Variants in CACNA2D3 observed in about 807,000 individuals in gnomAD.
CACNA2D3 encodes the protein voltage-dependent calcium channel subunit alpha-2/delta-3.
Under a neutral mutation model 160.6 loss-of-function variants are expected in CACNA2D3, and 60 were observed. The ratio of observed to expected loss-of-function variants is 0.37; its 90% CI spans 0.30 to 0.46. The LOEUF (loss-of-function observed/expected upper bound fraction) is 0.46. Ranked by LOEUF, CACNA2D3 falls within the 20% of genes least tolerant of loss-of-function variation. CACNA2D3 has a pLI of 1.00. For synonymous variants in CACNA2D3, 558 were observed against 492.9 expected, an observed-to-expected ratio of 1.13 and a Z score of -1.75; for missense variants, 1,205 against 1,365.0, an observed-to-expected ratio of 0.88 and a Z score of 1.85.
intron 4 of CACNA2D3, among the ~76,000 whole-genome samples, chr3:54,433,149 G>A (rs1258190276): frequency 6.6e-6 from 1 of 152,134 alleles, no homozygotes; most frequent in Non-Finnish European, 1.5e-5. Flanking sequence ...GGTTGGAAGA[G>A]GGAGGAGTGC....
At chr3:54,789,798 G>T (rs1702712274) in intron 13 of CACNA2D3, 1 of 503,354 alleles carries the variant, frequency 2.0e-6, no homozygotes, top group Non-Finnish European at 4.0e-6. Context: ...ACTGAGGCCA[G>T]TTTGGCTCAC....
intron 4 of CACNA2D3, among the ~76,000 whole-genome samples, chr3:54,391,646 G>T (rs551302470): frequency 6.6e-6 from 1 of 152,150 alleles, no homozygotes; most frequent in East Asian, 1.9e-4. Context: ...CAGTAGCTGG[G>T]ATTACAGGTG....
intron 3 of CACNA2D3, among the ~76,000 whole-genome samples, chr3:54,385,235 T>G (rs1380747287): frequency 6.6e-6 from 1 of 152,166 alleles, no homozygotes. Context: ...GATGGGCATT[T>G]CTACAATTTC....
chr3:54,391,521 T>G (rs1699281680), intron 4 of CACNA2D3, among the ~76,000 whole-genome samples: 1 of 151,668 alleles, frequency 6.6e-6, no homozygotes, highest in Admixed American at 6.6e-5. Context: ...TCTTTCTTTT[T>G]TTTTTTTGAG....
At chr3:54,546,864 T>C (rs2106675982) in intron 5 of CACNA2D3, among the ~76,000 whole-genome samples, 1 of 152,350 alleles carries the variant, frequency 6.6e-6, no homozygotes, top group East Asian at 1.9e-4. Context: ...TCCCATTTCT[T>C]CTCAAAAGTG....
intron 10 of CACNA2D3, chr3:54,638,749 GAA>G (rs1699436288): frequency 6.6e-6 from 1 of 151,952 alleles, no homozygotes; most frequent in African/African-American, 2.4e-5. Flanking sequence ...TTTACGCCAA[GAA>G]TTATTTAGAT....
chr3:54,401,264 C>G (rs569769532), intron 4 of CACNA2D3, among the ~76,000 whole-genome samples: 4 of 151,996 alleles, frequency 2.6e-5, no homozygotes, highest in East Asian at 3.9e-4. Flanking sequence ...ATCAAGTGAA[C>G]AAAGATTCAT....
intron 2 of CACNA2D3, among the ~76,000 whole-genome samples, chr3:54,207,272 G>T (rs561428531): frequency 6.6e-6 from 1 of 150,604 alleles, no homozygotes; most frequent in Admixed American, 6.7e-5. Flanking sequence ...GCTGGGAGAC[G>T]TGTGCTAGGG....
intron 10 of CACNA2D3, among the ~76,000 whole-genome samples, chr3:54,635,280 G>T (rs1699346357): frequency 6.6e-6 from 1 of 151,978 alleles, no homozygotes; most frequent in South Asian, 2.1e-4. Context: ...CATCTGATTA[G>T]AGAGTGCCTA....
intron 2 of CACNA2D3, among the ~76,000 whole-genome samples, chr3:54,215,595 G>A (rs1701446162): frequency 6.6e-6 from 1 of 151,740 alleles, no homozygotes; most frequent in African/African-American, 2.4e-5. Flanking sequence ...CCCAGGAAAT[G>A]TTCTCTTTTC....
chr3:54,923,243 C>T (rs1204191649), intron 27 of CACNA2D3, among the ~76,000 whole-genome samples: 4 of 152,292 alleles, frequency 2.6e-5, no homozygotes, highest in African/African-American at 9.6e-5. Context: ...ATCTGACCCC[C>T]AAGTACTGGT....
chr3:54,970,685 G>C lies in CACNA2D3; in HGVS notation c.2556+841G>C, dbSNP rs538896013. Among the ~76,000 whole-genome samples the C allele has an allele frequency of 6.3e-5, 9 of 142,244 alleles. No homozygotes were observed. In the South Asian group the frequency reaches 2.1e-3, roughly 34 times the overall value. 93.3% of individuals were successfully genotyped at this position (142,244 alleles called of 152,430 possible). A position where few individuals can be genotyped will look rare whatever the true frequency, so the allele number is the denominator to read the frequency against. ...GGAGGGATTTTAATCCTACACATGC[G>C]CAATGGAAGAAGAAACTATGCCACT... On this transcript the variant is annotated intron_variant, in intron 29 of 37. Coordinates refer to ENST00000474759, the MANE Select transcript of CACNA2D3 (RefSeq NM_018398.3).
intron 11 of CACNA2D3, among the ~76,000 whole-genome samples, chr3:54,739,244 A>G (rs1265002128): frequency 6.6e-6 from 1 of 151,854 alleles, no homozygotes; most frequent in Non-Finnish European, 1.5e-5. Context: ...ACATGGCAAA[A>G]CCCCATCTCT....
chr3:54,954,112 A>G (rs1274451827), intron 27 of CACNA2D3, among the ~76,000 whole-genome samples: 1 of 152,170 alleles, frequency 6.6e-6, no homozygotes, highest in African/African-American at 2.4e-5. Context: ...ACCTGAGGCC[A>G]AAGAGAGAGG....
intron 13 of CACNA2D3, among the ~76,000 whole-genome samples, chr3:54,811,804 G>T (rs1018353813): frequency 6.6e-6 from 1 of 152,100 alleles, no homozygotes; most frequent in South Asian, 2.1e-4. Context: ...CCCGGCCTCT[G>T]TCAGTTCTTA....
chr3:54,832,325 G>C (rs1423418452), intron 14 of CACNA2D3, among the ~76,000 whole-genome samples: 1 of 152,170 alleles, frequency 6.6e-6, no homozygotes, highest in Non-Finnish European at 1.5e-5. Context: ...CACAGCCTGG[G>C]TTGGCTGTCC....
At chr3:54,340,257 A>G (rs1575404340) in intron 3 of CACNA2D3, among the ~76,000 whole-genome samples, 1 of 152,200 alleles carries the variant, frequency 6.6e-6, no homozygotes. Context: ...AATTTGCCAC[A>G]CAAACACCCA....
At chr3:55,032,320 T>C (rs528233781) in intron 35 of CACNA2D3, among the ~76,000 whole-genome samples, 1 of 152,332 alleles carries the variant, frequency 6.6e-6, no homozygotes, top group Admixed American at 6.5e-5. Context: ...TGAGTTCATC[T>C]CAAAATCAGG....
At chr3:54,620,515 G>A (rs575965913) in intron 9 of CACNA2D3, among the ~76,000 whole-genome samples, 1 of 152,100 alleles carries the variant, frequency 6.6e-6, no homozygotes, top group African/African-American at 2.4e-5. Flanking sequence ...TGGATTTCAC[G>A]TACAAATCAC....
Sources: gnomAD v4.1 joint callset for allele counts (sites outside exome capture counted in the v4.1 genomes callset) on GRCh38, gnomAD v4.1.1 for gene constraint, MANE v1.5 for transcripts, NCBI Gene and HGNC (gene_info 2026-07-23, HGNC 2026-07-21) for gene names.